ARID5B: variants seen among roughly 807,000 people sequenced by gnomAD.
The protein encoded by ARID5B is AT-rich interaction domain 5B.
A neutral mutation model predicts 97.2 loss-of-function variants in ARID5B; 13 were observed. That is an observed-to-expected ratio of 0.13 (90% CI 0.09 to 0.21). ARID5B has a LOEUF of 0.21. Ranked by LOEUF, ARID5B falls within the 10% of genes least tolerant of loss-of-function variation. The pLI is 1.00. For missense variants in ARID5B, 1,210 were observed against 1,465.3 expected (o/e 0.83, Z 2.84); for synonymous variants, 556 against 570.3 (o/e 0.97, Z 0.36).
chr10:62,032,122 G>T (rs1839504423), intron 4 of ARID5B, among the ~76,000 whole-genome samples: 1 of 152,126 alleles, frequency 6.6e-6, no homozygotes, highest in Admixed American at 6.5e-5. Context: ...TGGCCAGCCA[G>T]GGCAACAAAG....
At chr10:61,989,311 C>T (rs1263121277) in intron 3 of ARID5B, among the ~76,000 whole-genome samples, 1 of 152,100 alleles carries the variant, frequency 6.6e-6, no homozygotes, top group Admixed American at 6.6e-5. Context: ...AAGTTAATTT[C>T]ACCTGTTTTC....
At chr10:61,906,280 A>C (rs1843707114) in intron 2 of ARID5B, among the ~76,000 whole-genome samples, 1 of 152,208 alleles carries the variant, frequency 6.6e-6, no homozygotes, top group Non-Finnish European at 1.5e-5. Flanking sequence ...ACCATCTTAA[A>C]TTACCATGAA....
Position 62,096,574 on chromosome 10 carries a change from A to G in ARID5B, c.*3544A>G, listed in dbSNP as rs963331181. The G allele has an allele frequency of 1.7e-5, 4 of 233,442 alleles. No individual in the cohort carries two copies. Among genetic ancestry groups the G allele is most frequent in the Middle Eastern group, 1.2e-3 (1 of 808 alleles). 14.5% of individuals were successfully genotyped at this position (233,442 alleles called of 1,614,324 possible). On this transcript the variant is annotated 3_prime_UTR_variant, in exon 10 of 10. Transcript: ENST00000279873. Reference sequence around the variant, plus strand: ...TGAAATATGTCTGAAGAATAGCAGCATAATCTCTTGGCTGTTTATACTTTT... The same window carrying G: ...TGAAATATGTCTGAAGAATAGCAGCGTAATCTCTTGGCTGTTTATACTTTT...
intron 3 of ARID5B, among the ~76,000 whole-genome samples, chr10:61,947,574 A>G (rs1410222309): frequency 6.6e-6 from 1 of 152,026 alleles, no homozygotes; most frequent in Non-Finnish European, 1.5e-5. Context: ...CCAACCCAGT[A>G]TGTTTTCTAA....
At chr10:61,997,205 G>A (rs887015019) in intron 3 of ARID5B, among the ~76,000 whole-genome samples, 2 of 151,842 alleles carry the variant, frequency 1.3e-5, no homozygotes, top group African/African-American at 4.8e-5. Context: ...AGAAAGAGAA[G>A]GATTCATGAC....
chr10:61,950,913 A>C (rs138757003), intron 3 of ARID5B, among the ~76,000 whole-genome samples: 51 of 152,324 alleles, frequency 3.3e-4, no homozygotes, highest in African/African-American at 1.0e-3. Context: ...TATATCCTAC[A>C]TGTGAATTGA....
At chr10:62,024,822 G>T (rs1025704373) in intron 4 of ARID5B, 2 of 373,594 alleles carry the variant, frequency 5.4e-6, no homozygotes, top group Admixed American at 4.6e-5. Context: ...TTCTTTTCGG[G>T]TTCTGAAATG....
In ARID5B at chr10:61,908,065, G is replaced by A. The variant is rs1015993554; in HGVS notation, c.276+5652G>A. Reference sequence around the variant, plus strand: ...TGTACTTCAATATTATATCATTAACGTTTACATATCCAATCCAATTTCACC... The same window carrying A: ...TGTACTTCAATATTATATCATTAACATTTACATATCCAATCCAATTTCACC... On this transcript the variant is annotated intron_variant, in intron 2 of 9. Transcript: ENST00000279873. 1.4e-4 allele frequency among the ~76,000 whole-genome samples: 21 copies of A among 152,012 alleles called. 1 individual carries two copies. The highest frequency in any genetic ancestry group is 5.9e-4 in the Admixed American group (9 of 15,256).
intron 5 of ARID5B, among the ~76,000 whole-genome samples, chr10:62,052,388 C>T (rs956268886): frequency 2.0e-5 from 3 of 152,260 alleles, no homozygotes; most frequent in South Asian, 2.1e-4. Flanking sequence ...TGCAGAATGG[C>T]GCAAGAAGGT....
intron 3 of ARID5B, among the ~76,000 whole-genome samples, chr10:61,982,612 T>G (rs768525226): frequency 2.2e-4 from 33 of 152,232 alleles, no homozygotes; most frequent in Non-Finnish European, 3.8e-4. Context: ...TTGACACTTA[T>G]AAAAGAGCGT....
chr10:61,958,781 A>G (rs1330281303), intron 3 of ARID5B, among the ~76,000 whole-genome samples: 24 of 152,246 alleles, frequency 1.6e-4, no homozygotes, highest in Admixed American at 1.1e-3. Context: ...GTTGTCTCCG[A>G]TAAGTGCATA....
intron 4 of ARID5B, among the ~76,000 whole-genome samples, chr10:62,001,045 A>G (rs1589253344): frequency 1.3e-5 from 2 of 152,318 alleles, no homozygotes; most frequent in South Asian, 4.1e-4. Context: ...GGAGAAGAAG[A>G]TATCACATCA....
chr10:61,977,222 G>C (rs2132840888), intron 3 of ARID5B, among the ~76,000 whole-genome samples: 1 of 152,316 alleles, frequency 6.6e-6, no homozygotes, highest in South Asian at 2.1e-4. Flanking sequence ...ATTCCATGGT[G>C]TATATGTGCC....
Position 62,091,915 on chromosome 10 carries a change from G to A in ARID5B, c.2452G>A (p.Ala818Thr). ...EGKDKLLEKR[A>T]LPHSHMPSFL... ...CAAGGATAAACTCTTAGAGAAAAGGGCCCTCCCCCATTCCCACATGCCTAG... is the reference window on the plus strand; with the variant it reads ...CAAGGATAAACTCTTAGAGAAAAGGACCCTCCCCCATTCCCACATGCCTAG... Residue 818 changes from alanine (A) to threonine (T), a missense_variant, in exon 10 of 10, where the codon GCC becomes ACC. By Grantham distance (58) the Ala-to-Thr change is moderately conservative. Around this residue, in one of 8 missense-constraint regions of ARID5B, gnomAD observed 800 missense variants for 839.1 expected, o/e 0.95. Transcript: ENST00000279873. The A allele has an allele frequency of 6.2e-7, 1 of 1,613,816 alleles. No homozygotes were observed. Among genetic ancestry groups the A allele is most frequent in the Non-Finnish European group, 8.5e-7 (1 of 1,179,950 alleles).
At chr10:62,048,539 T>A (rs1353436868) in intron 4 of ARID5B, among the ~76,000 whole-genome samples, 1 of 152,242 alleles carries the variant, frequency 6.6e-6, no homozygotes, top group African/African-American at 2.4e-5. Context: ...CTTGATCAAA[T>A]CCCATTTAGA....
chr10:62,056,628 C>A (rs889938825), intron 5 of ARID5B, among the ~76,000 whole-genome samples: 1 of 152,136 alleles, frequency 6.6e-6, no homozygotes, highest in Non-Finnish European at 1.5e-5. Flanking sequence ...ACTGATGCTT[C>A]TCCTTAAGAA....
Position 62,092,985 on chromosome 10 carries a change from T to C in ARID5B, c.3522T>C (p.Phe1174=), listed in dbSNP as rs1268149295. 8 of 1,613,422 alleles carry C rather than the reference T, an allele frequency of 5.0e-6. No individual in the cohort carries two copies. Among genetic ancestry groups the C allele is most frequent in the Non-Finnish European group, 6.8e-6 (8 of 1,179,942 alleles). Residue 1174 remains phenylalanine (F), a synonymous_variant, in exon 10 of 10, where the codon TTT becomes TTC. Coordinates refer to ENST00000279873, the MANE Select transcript of ARID5B (RefSeq NM_032199.3). ...CTGCTATAAATCCTCAAGCTGCCTT[T>C]CCATCTTCCCAGCTGTCATCCGTGC... ...PLAAINPQAA[F]PSSQLSSVHP...
At chr10:61,975,215 T>G (rs1838682859) in intron 3 of ARID5B, among the ~76,000 whole-genome samples, 1 of 152,136 alleles carries the variant, frequency 6.6e-6, no homozygotes. Flanking sequence ...AACAAATGGT[T>G]TCTTGGGTGA....
intron 4 of ARID5B, among the ~76,000 whole-genome samples, chr10:62,050,280 G>A (rs903982418): frequency 7.9e-5 from 12 of 152,184 alleles, no homozygotes; most frequent in Admixed American, 2.0e-4. Context: ...GTATCTGTCA[G>A]ATTTGTTGAG....
Sources: gnomAD v4.1 joint callset for allele counts (sites outside exome capture counted in the v4.1 genomes callset) on GRCh38, gnomAD v4.1.1 for gene constraint, gnomAD v4.1.1 regional missense constraint, MANE v1.5 for transcripts, NCBI Gene and HGNC (gene_info 2026-07-23, HGNC 2026-07-21) for gene names.